Variants in IFTAP observed in about 807,000 individuals in gnomAD.
IFTAP encodes the protein intraflagellar transport-associated protein.
In IFTAP, 19 loss-of-function variants were observed where a neutral mutation model predicts 19.4. The ratio of observed to expected loss-of-function variants is 0.98; its 90% CI spans 0.68 to 1.44. The LOEUF (loss-of-function observed/expected upper bound fraction) is 1.44. Ranked by LOEUF, IFTAP falls within the 40% of genes most tolerant of loss-of-function variation. The probability of loss-of-function intolerance (pLI) is 0.00; values close to 1 mark genes in which losing one functional copy is unlikely to be tolerated. For missense variants in IFTAP, 240 were observed against 253.6 expected (o/e 0.95, Z 0.36); for synonymous variants, 85 against 83.5 (o/e 1.02, Z -0.10).
rs745634257 is a variant in IFTAP, at chr11:36,636,120, A to C, written c.358+3A>C. On this transcript the variant is annotated splice_donor_region_variant and intron_variant, in intron 4 of 5. Coordinates refer to ENST00000334307, the MANE Select transcript of IFTAP (RefSeq NM_138787.4). ...GATTAAACCCCAAATGAGTGAGGGT[A>C]TGCTTTCTATTTCCTTTCTATACTA... 22 of 1,602,458 alleles carry C rather than the reference A, an allele frequency of 1.4e-5. No individual in the cohort carries two copies. The highest frequency in any genetic ancestry group is 1.7e-5 in the Non-Finnish European group (20 of 1,169,950).
In IFTAP at chr11:36,624,653, G is replaced by A. The variant is rs139203138; in HGVS notation, c.137-8631G>A. Among the ~76,000 whole-genome samples, 413 of 152,260 alleles carry A rather than the reference G, an allele frequency of 2.7e-3. 2 individuals carry two copies. The highest frequency in any genetic ancestry group is 3.4e-3 in the Middle Eastern group (1 of 294). On this transcript the variant is annotated intron_variant, in intron 2 of 5. Coordinates refer to ENST00000334307, the MANE Select transcript of IFTAP (RefSeq NM_138787.4). ...CCATTTTTTGTGCTTCCTTGATATG[G>A]TAGCTGAAATCAGCCTTAGCTAATT... is the stretch of plus-strand genomic sequence containing the variant.
chr11:36,636,920 GA>G lies in IFTAP; in HGVS notation c.358+805del, dbSNP rs1395351729. 1.4e-3 allele frequency among the ~76,000 whole-genome samples: 193 copies of G among 142,554 alleles called. 1 individual carries two copies. Among genetic ancestry groups the G allele is most frequent in the African/African-American group, 5.0e-3 (176 of 34,990 alleles). 93.5% of individuals were successfully genotyped at this position (142,554 alleles called of 152,430 possible). A position where few individuals can be genotyped will look rare whatever the true frequency, so the allele number is the denominator to read the frequency against. ...ATGTTTGAAATATGTTCAAAATCAG[GA>G]AGTTTTTTTTTTTTTTTTTTAAACA... On this transcript the variant is annotated intron_variant, in intron 4 of 5. Transcript: ENST00000334307.
chr11:36,610,291 A>C, intron 2 of IFTAP, 52 bp downstream of exon 2: 3 of 1,498,410 alleles, frequency 2.0e-6, no homozygotes, highest in Non-Finnish European at 2.7e-6. Context: ...TAATTTTATT[A>C]TAAGTGTATG....
Position 36,659,001 on chromosome 11 carries a change from C to G in IFTAP, c.499-18C>G, listed in dbSNP as rs767576791. On this transcript the variant is annotated intron_variant, in intron 5 of 5. Transcript: ENST00000334307. Reference sequence around the variant, plus strand: ...CAATGATTGTGTATGTTTTTTCCTCCTTTGTTACCTTTTATAGATACTTGG... The same window carrying G: ...CAATGATTGTGTATGTTTTTTCCTCGTTTGTTACCTTTTATAGATACTTGG... 2 of 1,522,896 alleles carry G rather than the reference C, an allele frequency of 1.3e-6. No individual in the cohort carries two copies. The highest frequency in any genetic ancestry group is 1.8e-6 in the Non-Finnish European group (2 of 1,127,956). The allele number at this position is 1,522,896 out of a possible 1,614,324, so 94.3% of individuals were successfully genotyped here. A position where few individuals can be genotyped will look rare whatever the true frequency, so the allele number is the denominator to read the frequency against.
chr11:36,607,611 C>A (rs1000958511), intron 1 of IFTAP, among the ~76,000 whole-genome samples: 2 of 151,402 alleles, frequency 1.3e-5, no homozygotes, highest in Admixed American at 1.3e-4. Context: ...TTTTCCTGAG[C>A]TTTTTGGTAT....
chr11:36,655,834 A>AT (rs1853960421), intron 5 of IFTAP, among the ~76,000 whole-genome samples: 1 of 152,210 alleles, frequency 6.6e-6, no homozygotes, highest in Non-Finnish European at 1.5e-5. Flanking sequence ...GAAGGATATT[A>AT]TAAATGAATA....
At chr11:36,610,970 A>C (rs1851856919) in intron 2 of IFTAP, among the ~76,000 whole-genome samples, 1 of 152,056 alleles carries the variant, frequency 6.6e-6, no homozygotes. Context: ...CCAACGTTTG[A>C]AAGTTGGGTA....
intron 1 of IFTAP, among the ~76,000 whole-genome samples, chr11:36,604,492 C>T (rs968025250): frequency 2.0e-5 from 3 of 152,098 alleles, no homozygotes; most frequent in African/African-American, 7.2e-5. Flanking sequence ...GTTTTATATT[C>T]TGCTTTCCCT....
intron 2 of IFTAP, among the ~76,000 whole-genome samples, chr11:36,614,862 T>G (rs1429514393): frequency 6.7e-6 from 1 of 148,316 alleles, no homozygotes; most frequent in Non-Finnish European, 1.5e-5. Context: ...TCTCCCATTT[T>G]GTAGGTTGCC....
chr11:36,609,698 A>G (rs1203317407), intron 1 of IFTAP, among the ~76,000 whole-genome samples: 1 of 152,152 alleles, frequency 6.6e-6, no homozygotes, highest in African/African-American at 2.4e-5. Context: ...GGTACACAGT[A>G]ACTGCTAAAT....
chr11:36,614,657 C>A (rs1852002663), intron 2 of IFTAP, among the ~76,000 whole-genome samples: 2 of 147,852 alleles, frequency 1.4e-5, no homozygotes, highest in Non-Finnish European at 3.0e-5. Flanking sequence ...ATTTACATTT[C>A]TCTGATGGCC....
chr11:36,649,916 C>G (rs999769693), intron 5 of IFTAP, among the ~76,000 whole-genome samples: 1 of 152,084 alleles, frequency 6.6e-6, no homozygotes, highest in Admixed American at 6.6e-5. Flanking sequence ...ATCCAAAATG[C>G]TCCAAAATTT....
chr11:36,655,693 T>C (rs1307026914), intron 5 of IFTAP, among the ~76,000 whole-genome samples: 1 of 152,226 alleles, frequency 6.6e-6, no homozygotes, highest in Non-Finnish European at 1.5e-5. Flanking sequence ...TGTGACGTTA[T>C]TACTATTTTT....
At chr11:36,595,950 T>A (rs1851211441) in intron 1 of IFTAP, among the ~76,000 whole-genome samples, 1 of 152,190 alleles carries the variant, frequency 6.6e-6, no homozygotes, top group African/African-American at 2.4e-5. Context: ...CTGGTAGTAG[T>A]TAATTTATTA....
At chr11:36,595,177 T>C (rs545736905) in intron 1 of IFTAP, 2 of 152,226 alleles carry the variant, frequency 1.3e-5, no homozygotes, top group African/African-American at 2.4e-5. Flanking sequence ...CCTAAACACA[T>C]CTTCTTTTCA....
At chr11:36,606,184 C>A (rs556749668) in intron 1 of IFTAP, among the ~76,000 whole-genome samples, 5 of 152,218 alleles carry the variant, frequency 3.3e-5, no homozygotes, top group African/African-American at 1.2e-4. Flanking sequence ...TAAGGCCACG[C>A]GCAGTGGCGC....
chr11:36,633,089 A>G (rs1852790987), intron 2 of IFTAP, among the ~76,000 whole-genome samples, 195 bp from the exon 3 acceptor site: 1 of 151,284 alleles, frequency 6.6e-6, no homozygotes, highest in African/African-American at 2.5e-5. Context: ...ATGTTGAGTG[A>G]CATAATGTTA....
chr11:36,618,408 G>A (rs1232192401), intron 2 of IFTAP, among the ~76,000 whole-genome samples: 1 of 151,974 alleles, frequency 6.6e-6, no homozygotes, highest in Admixed American at 6.6e-5. Flanking sequence ...GATAATATAT[G>A]CCAACAGGAA....
At chr11:36,641,245 A>G (rs1437600703) in intron 4 of IFTAP, among the ~76,000 whole-genome samples, 1 of 152,102 alleles carries the variant, frequency 6.6e-6, no homozygotes, top group African/African-American at 2.4e-5. Flanking sequence ...AATATTTTCT[A>G]TTTTTAGAAA....
Sources: allele counts gnomAD v4.1 joint callset (sites outside exome capture counted in the v4.1 genomes callset), GRCh38; gene constraint gnomAD v4.1.1; transcripts MANE v1.5; gene names NCBI Gene and HGNC (gene_info 2026-07-23, HGNC 2026-07-21).